The following PPP2R5C variants were observed in gnomAD, a reference collection of about 807,000 sequenced individuals.
PPP2R5C encodes the protein serine/threonine-protein phosphatase 2A 56 kDa regulatory subunit gamma isoform.
In PPP2R5C, 7 loss-of-function variants were observed where a neutral mutation model predicts 68.9. The observed-to-expected ratio is 0.10, with a 90% CI of 0.06 to 0.19. The LOEUF is 0.19. PPP2R5C is among the 10% of genes least tolerant of loss of function. The pLI, the probability that PPP2R5C is intolerant of heterozygous loss-of-function variation, is 1.00. For synonymous variants in PPP2R5C, 210 were observed against 222.2 expected, an observed-to-expected ratio of 0.95 and a Z score of 0.49; for missense variants, 348 against 641.3, an observed-to-expected ratio of 0.54 and a Z score of 4.94.
At chr14:101,883,233 A>C in intron 3 of PPP2R5C, 24 bp from the exon 6 acceptor site, 2 of 1,433,092 alleles carry the variant, frequency 1.4e-6, no homozygotes, top group Non-Finnish European at 1.9e-6. Context: ...ATGTTATTTG[A>C]CTCATTGTTT....
intron 2 of PPP2R5C, among the ~76,000 whole-genome samples, chr14:101,861,533 C>T (rs1330223132): frequency 6.6e-6 from 1 of 152,100 alleles, no homozygotes; most frequent in East Asian, 1.9e-4. Flanking sequence ...AACCACACAC[C>T]CCAGTAGAAA....
chr14:101,874,374 A>G (rs1035713772), intron 2 of PPP2R5C, among the ~76,000 whole-genome samples: 4 of 152,262 alleles, frequency 2.6e-5, no homozygotes, highest in Admixed American at 2.6e-4. Context: ...GCTGTTCGCT[A>G]TAAAATTCTT....
intron 1 of PPP2R5C, among the ~76,000 whole-genome samples, chr14:101,827,437 C>T (rs1371797918): frequency 6.6e-6 from 1 of 152,160 alleles, no homozygotes; most frequent in Non-Finnish European, 1.5e-5. Flanking sequence ...ATTTATAAAT[C>T]TTGTTTCCTT....
chr14:101,891,909 A>G lies in PPP2R5C; in HGVS notation c.690-1091A>G, dbSNP rs1034643896. On this transcript the variant is annotated intron_variant, in intron 6 of 13. Coordinates refer to ENST00000334743, the Ensembl canonical transcript of PPP2R5C. This position sits in a 1 kb window ranked among gnomAD's most constrained non-coding sequence, Gnocchi z 4.9. ...AAACTTTGCTTTGGAGGCTCTAGGT[A>G]GGACCTCTTTTCTTGCACAAGGGAA... Among the ~76,000 whole-genome samples the G allele has an allele frequency of 2.6e-5, 4 of 152,316 alleles. No homozygotes were observed. The highest frequency in any genetic ancestry group is 9.6e-5 in the African/African-American group (4 of 41,584).
At chr14:101,820,822 A>G (rs1259501390) in intron 1 of PPP2R5C, 1 of 152,214 alleles carries the variant, frequency 6.6e-6, no homozygotes, top group Admixed American at 6.5e-5. Context: ...TTCATAAAAT[A>G]TTACTTAACA....
At chr14:101,857,414 G>A (rs2042485727) in intron 2 of PPP2R5C, among the ~76,000 whole-genome samples, 1 of 152,094 alleles carries the variant, frequency 6.6e-6, no homozygotes, top group African/African-American at 2.4e-5. Flanking sequence ...TGGCTGAGAA[G>A]GCCGCCACCT....
At chr14:101,844,756 C>T (rs1396524271) in intron 1 of PPP2R5C, among the ~76,000 whole-genome samples, 1 of 152,202 alleles carries the variant, frequency 6.6e-6, no homozygotes, top group African/African-American at 2.4e-5. Context: ...GAATCAATTT[C>T]AAGATGGAAT....
At chr14:101,832,712 C>T (rs2040821235) in intron 1 of PPP2R5C, among the ~76,000 whole-genome samples, 1 of 152,142 alleles carries the variant, frequency 6.6e-6, no homozygotes, top group Non-Finnish European at 1.5e-5. Flanking sequence ...TGGAGCGGGA[C>T]TGTGGAGGCA....
intron 2 of PPP2R5C, among the ~76,000 whole-genome samples, chr14:101,783,417 C>T (rs1432110210): frequency 1.3e-5 from 2 of 151,140 alleles, no homozygotes; most frequent in African/African-American, 4.9e-5. Flanking sequence ...GAGGAAGATG[C>T]CCCCTCAGAG....
chr14:101,885,425 A>G (rs1363969975), intron 5 of PPP2R5C, among the ~76,000 whole-genome samples: 1 of 149,768 alleles, frequency 6.7e-6, no homozygotes, highest in Non-Finnish European at 1.5e-5. Context: ...CGGCTTGCAC[A>G]GCCTGCGTCG....
chr14:101,851,791 C>A (rs1391016351), intron 1 of PPP2R5C, among the ~76,000 whole-genome samples: 1 of 152,128 alleles, frequency 6.6e-6, no homozygotes, highest in African/African-American at 2.4e-5. Flanking sequence ...CAAGACTTTT[C>A]ATGTAAATGT....
chr14:101,795,980 G>A (rs775349585), intron 3 of PPP2R5C, among the ~76,000 whole-genome samples: 10 of 151,950 alleles, frequency 6.6e-5, no homozygotes, highest in African/African-American at 9.7e-5. Flanking sequence ...GCACCACCAC[G>A]CACAGCTAAT....
intron 6 of PPP2R5C, among the ~76,000 whole-genome samples, chr14:101,890,828 A>G (rs1480105719): frequency 1.5e-5 from 2 of 133,092 alleles, no homozygotes; most frequent in East Asian, 2.2e-4. Context: ...GCTCAAGTAC[A>G]GTGGCACGAT....
At chr14:101,870,157 T>C (rs2043313526) in intron 2 of PPP2R5C, among the ~76,000 whole-genome samples, 1 of 151,290 alleles carries the variant, frequency 6.6e-6, no homozygotes, top group African/African-American at 2.4e-5. Flanking sequence ...AGTCTGTAGC[T>C]TGTCTTTTTT....
chr14:101,807,650 T>C (rs1385604573), upstream of PPP2R5C, among the ~76,000 whole-genome samples: 1 of 152,142 alleles, frequency 6.6e-6, no homozygotes, highest in East Asian at 1.9e-4. Context: ...CTCATATTAT[T>C]TGTTTATTTA....
At chr14:101,786,805 A>T (rs2038109558) in intron 3 of PPP2R5C, among the ~76,000 whole-genome samples, 1 of 152,250 alleles carries the variant, frequency 6.6e-6, no homozygotes, top group South Asian at 2.1e-4. Flanking sequence ...TTAAAACCTT[A>T]TCAAGGAAAA....
rs1327151497 is a variant in PPP2R5C, at chr14:101,908,664, G to A, written c.1152-925G>A. 3.9e-5 allele frequency among the ~76,000 whole-genome samples: 6 copies of A among 151,964 alleles called. No individual in the cohort carries two copies. In the East Asian group the frequency reaches 9.6e-4, roughly 24 times the overall value. On this transcript the variant is annotated intron_variant, in intron 10 of 13. Coordinates refer to ENST00000334743, the Ensembl canonical transcript of PPP2R5C. Reference sequence around the variant, plus strand: ...GCCGGGACTACAGGTGTGAGCCACCGCGCCTGGCTTGCATTGATTTTTTTT... The same window carrying A: ...GCCGGGACTACAGGTGTGAGCCACCACGCCTGGCTTGCATTGATTTTTTTT...
In PPP2R5C at chr14:101,918,097, G is replaced by A. The variant is rs183607801; in HGVS notation, c.1443+150G>A. 4.9e-4 allele frequency: 538 copies of A among 1,104,904 alleles called. 5 individuals are homozygous for A. In the East Asian group the frequency reaches 0.014, roughly 28 times the overall value. 68.4% of individuals were successfully genotyped at this position (1,104,904 alleles called of 1,614,324 possible). A position where few individuals can be genotyped will look rare whatever the true frequency, so the allele number is the denominator to read the frequency against. On this transcript the variant is annotated intron_variant, in intron 13 of 13. Coordinates refer to ENST00000334743, the Ensembl canonical transcript of PPP2R5C. ...CTAGTCTTATAGGAAACATTGTATC[G>A]ATAGATCTTAGTGATCAAATTACTA...
chr14:101,839,521 A>C (rs1036952537), intron 1 of PPP2R5C: 4 of 152,412 alleles, frequency 2.6e-5, no homozygotes, highest in Non-Finnish European at 5.9e-5. Context: ...AGGCTTCACC[A>C]GTGCACGCCT....
Sources: allele counts gnomAD v4.1 joint callset (sites outside exome capture counted in the v4.1 genomes callset), GRCh38; gene constraint gnomAD v4.1.1; non-coding constraint Gnocchi (gnomAD v3.1); transcripts MANE v1.5; gene names NCBI Gene and HGNC (gene_info 2026-07-23, HGNC 2026-07-21).